PCDHA13: variants seen among roughly 807,000 people sequenced by gnomAD.
PCDHA13 encodes protocadherin alpha-13.
In PCDHA13, 54 loss-of-function variants were observed where a neutral mutation model predicts 64.8. The ratio of observed to expected loss-of-function variants is 0.83; its 90% CI spans 0.67 to 1.04. PCDHA13 has a LOEUF of 1.04. PCDHA13 is among the 50% of genes least tolerant of loss of function. The pLI, the probability that PCDHA13 is intolerant of heterozygous loss-of-function variation, is 0.00. For synonymous variants in PCDHA13, 587 were observed against 564.4 expected (o/e 1.04, Z -0.57); for missense variants, 1,248 against 1,254.3 (o/e 0.99, Z 0.08).
At chr5:140,928,928 C>T in intron 1 of PCDHA13, 3 of 1,614,130 alleles carry the variant, frequency 1.9e-6, no homozygotes, top group Non-Finnish European at 2.5e-6. Context: ...CAGCTTTCTG[C>T]CCAGAACTTG....
At chr5:140,993,462 TCACACACACACACACACACACA>T (rs3836747) in intron 3 of PCDHA13, among the ~76,000 whole-genome samples, 6 of 141,044 alleles carry the variant, frequency 4.3e-5, no homozygotes, top group East Asian at 4.2e-4. Context: ...TCTTTCTTTC[TCACACACACACACACACACACA>T]CACACACACA....
intron 1 of PCDHA13, chr5:140,967,255 T>G (rs202164321): frequency 2.5e-6 from 4 of 1,613,342 alleles, no homozygotes; most frequent in Non-Finnish European, 3.4e-6. Context: ...CGGTGGCGCC[T>G]GGAGCGCGCT....
intron 1 of PCDHA13, among the ~76,000 whole-genome samples, chr5:140,937,615 T>TCAAAAAAAAAAAAAAAAAAAAAAAA (rs1472779704): frequency 5.3e-5 from 8 of 149,546 alleles, no homozygotes; most frequent in African/African-American, 2.0e-4. Context: ...ATACTCCATC[T>TCAAAAAAAAAAAAAAAAAAAAAAAA]AAAAAGAAAA....
In PCDHA13 at chr5:140,953,296, G is replaced by A. The variant is rs118116883; in HGVS notation, c.2395-25653G>A. 7.9e-5 allele frequency among the ~76,000 whole-genome samples: 12 copies of A among 152,162 alleles called. No individual in the cohort carries two copies. The East Asian group carries it at 1.5e-3, about 20-fold the overall frequency. Reference sequence around the variant, plus strand: ...TGCTCTTTATATGTGATTCAGGGACGGCAGAGATGTGGGAAGAATTTGATC... The same window carrying A: ...TGCTCTTTATATGTGATTCAGGGACAGCAGAGATGTGGGAAGAATTTGATC... On this transcript the variant is annotated intron_variant, in intron 1 of 3. Coordinates refer to ENST00000289272, the MANE Select transcript of PCDHA13 (RefSeq NM_018904.3).
intron 1 of PCDHA13, among the ~76,000 whole-genome samples, chr5:140,975,937 A>C (rs2096690423): frequency 1.3e-5 from 2 of 152,194 alleles, no homozygotes; most frequent in South Asian, 2.1e-4. Context: ...CTTTGAAGCA[A>C]TAGGACATAT....
chr5:140,912,744 T>A (rs944833912), intron 1 of PCDHA13, among the ~76,000 whole-genome samples: 1 of 152,188 alleles, frequency 6.6e-6, no homozygotes, highest in Non-Finnish European at 1.5e-5. Context: ...TGTGGGTCTG[T>A]CATAGATGGC....
chr5:140,990,898 G>A (rs1408537294), intron 3 of PCDHA13, among the ~76,000 whole-genome samples: 3 of 152,146 alleles, frequency 2.0e-5, no homozygotes, highest in Non-Finnish European at 4.4e-5. Context: ...GGTCGTTGCT[G>A]GGTCAAGTTT....
intron 1 of PCDHA13, among the ~76,000 whole-genome samples, chr5:140,904,904 C>A (rs1463349424): frequency 6.6e-6 from 1 of 151,948 alleles, no homozygotes; most frequent in Non-Finnish European, 1.5e-5. Context: ...GTTTTTCTTA[C>A]TGATTTGTTT....
intron 1 of PCDHA13, among the ~76,000 whole-genome samples, chr5:140,933,742 A>G (rs1242551337): frequency 6.6e-6 from 1 of 152,068 alleles, no homozygotes; most frequent in Non-Finnish European, 1.5e-5. Context: ...AATATTTGGT[A>G]GAATTCACTA....
intron 1 of PCDHA13, among the ~76,000 whole-genome samples, chr5:140,905,770 C>T (rs1402548672): frequency 6.6e-6 from 1 of 151,878 alleles, no homozygotes; most frequent in African/African-American, 2.4e-5. Flanking sequence ...AAGTATATTC[C>T]GAAGTGTATT....
At chr5:140,946,249 C>T (rs930979647) in intron 1 of PCDHA13, among the ~76,000 whole-genome samples, 2 of 151,896 alleles carry the variant, frequency 1.3e-5, no homozygotes, top group Admixed American at 6.6e-5. Flanking sequence ...CATCATGAAT[C>T]ATCAGAAAAA....
At chr5:140,947,275 T>G (rs246050) in intron 1 of PCDHA13, among the ~76,000 whole-genome samples, 85,352 of 151,290 alleles carry the variant, frequency 0.56, 24,679 homozygotes, top group African/African-American at 0.69. Context: ...GAAAATACTT[T>G]TTCTTTTTAT....
rs372235129 is a variant in PCDHA13 at position 140,927,231 on chromosome 5, C to T, written c.2394+42569C>T. On this transcript the variant is annotated intron_variant, in intron 1 of 3. Transcript: ENST00000289272. ...TGGAGCTGCACAAGATTCGGATTCA[C>T]GTCCTGGACACCAATGACAACTCAC... 3.7e-6 allele frequency: 6 copies of T among 1,614,020 alleles called. No individual in the cohort carries two copies. In the African/African-American group the frequency reaches 4.0e-5, roughly 11 times the overall value.
At chr5:140,984,633 T>G (rs2097112196) in intron 3 of PCDHA13, among the ~76,000 whole-genome samples, 1 of 152,206 alleles carries the variant, frequency 6.6e-6, no homozygotes, top group African/African-American at 2.4e-5. Flanking sequence ...AAAGGGATTC[T>G]CTGCCTTCTC....
At chr5:140,966,767 A>T in intron 1 of PCDHA13, 1 of 1,484,362 alleles carries the variant, frequency 6.7e-7, no homozygotes, top group South Asian at 1.3e-5. Context: ...GCCAGTGGCT[A>T]TGGAGCAGGC....
Position 141,010,819 on chromosome 5 carries a change from TG to T in PCDHA13, c.*883del, listed in dbSNP as rs2098418471. ...AAAACCCCGACACCTCACCTTTCGCTGTTTGTTGTTTCATAGATTTATTTAA... is the reference window on the plus strand; with the variant it reads ...AAAACCCCGACACCTCACCTTTCGCTTTTGTTGTTTCATAGATTTATTTAA... On this transcript the variant is annotated 3_prime_UTR_variant, in exon 4 of 4. Coordinates refer to ENST00000289272, the MANE Select transcript of PCDHA13 (RefSeq NM_018904.3). The T allele has an allele frequency of 6.5e-6, 1 of 153,784 alleles. No individual in the cohort carries two copies. The highest frequency in any genetic ancestry group is 2.1e-4 in the South Asian group (1 of 4,838). 9.5% of individuals were successfully genotyped at this position (153,784 alleles called of 1,614,324 possible).
intron 1 of PCDHA13, among the ~76,000 whole-genome samples, chr5:140,902,424 G>A (rs1422453587): frequency 6.6e-6 from 1 of 152,038 alleles, no homozygotes; most frequent in African/African-American, 2.4e-5. Flanking sequence ...AGTGGTGAAA[G>A]TGGGCATCCT....
At chr5:140,987,011 C>G (rs1266225593) in intron 3 of PCDHA13, among the ~76,000 whole-genome samples, 1 of 151,990 alleles carries the variant, frequency 6.6e-6, no homozygotes, top group African/African-American at 2.4e-5. Context: ...GTCATGAGTT[C>G]GAGACCAGCC....
At chr5:140,990,134 CAA>C (rs2097375582) in intron 3 of PCDHA13, among the ~76,000 whole-genome samples, 2 of 151,958 alleles carry the variant, frequency 1.3e-5, no homozygotes, top group Non-Finnish European at 2.9e-5. Flanking sequence ...AAGTCAGACT[CAA>C]GAGGCATAAT....
Sources: gnomAD v4.1 joint callset for allele counts (sites outside exome capture counted in the v4.1 genomes callset) on GRCh38, gnomAD v4.1.1 for gene constraint, MANE v1.5 for transcripts, NCBI Gene and HGNC (gene_info 2026-07-23, HGNC 2026-07-21) for gene names.